The following TMEM131L variants were observed in gnomAD, a reference collection of about 807,000 sequenced individuals.
TMEM131L encodes transmembrane protein 131-like.
TMEM131L carries 54 observed loss-of-function variants against 192.2 expected under a neutral mutation model. That is an observed-to-expected ratio of 0.28 (90% CI 0.23 to 0.35). TMEM131L has a LOEUF of 0.35. TMEM131L is among the 10% of genes least tolerant of loss of function. The pLI, the probability that TMEM131L is intolerant of heterozygous loss-of-function variation, is 1.00. For missense variants in TMEM131L, 1,888 were observed against 1,972.9 expected (o/e 0.96, Z 0.82); for synonymous variants, 701 against 704.9 (o/e 0.99, Z 0.09).
Position 153,585,481 on chromosome 4 carries a change from C to T in TMEM131L, c.1181C>T (p.Ala394Val), listed in dbSNP as rs1329924256. ...AGGTATTTTAGAATGGACTCTTCTG[C>T]AACCCAGTTTCACATAGAGACTCAT... ...AQGYFRMDSS[A>V]TQFHIETHEN... The change falls in exon 13 of 35, where the codon GCA becomes GTA. Residue 394 changes from alanine (A) to valine (V), a missense_variant. By Grantham distance (64) the Ala-to-Val change is moderately conservative. Transcript: ENST00000409959. 1 of 1,614,118 alleles carries T rather than the reference C, an allele frequency of 6.2e-7. No individual in the cohort carries two copies. The highest frequency in any genetic ancestry group is 1.7e-5 in the Admixed American group (1 of 60,014).
intron 3 of TMEM131L, among the ~76,000 whole-genome samples, chr4:153,480,398 T>C (rs1265582413): frequency 1.3e-5 from 2 of 151,364 alleles, no homozygotes; most frequent in African/African-American, 4.9e-5. Context: ...CATGAGCCTG[T>C]AGTCCCAGCT....
rs1474932274 is a variant in TMEM131L, at chr4:153,602,648, C to G, written c.2560C>G (p.Leu854Val). 6.2e-7 allele frequency: 1 copy of G among 1,614,056 alleles called. No homozygotes were observed. Among genetic ancestry groups the G allele is most frequent in the Admixed American group, 1.7e-5 (1 of 60,004 alleles). Residue 854 changes from leucine to valine, a missense_variant, in exon 23 of 35, where the codon CTG (leucine) becomes GTG (valine). By Grantham distance (32) the Leu-to-Val change is conservative. Transcript: ENST00000409959. ...TCTCAATGTGACTCTCCCTCATCAC[C>G]TGTTGCCCTTGTGTGCAGACGTGGT... ...FTLNVTLPHHLLPLCADVVPG... is the reference protein window; with the variant it reads ...FTLNVTLPHHVLPLCADVVPG...
At chr4:153,609,922 CT>C (rs1162874623) in intron 25 of TMEM131L, among the ~76,000 whole-genome samples, 4 of 152,144 alleles carry the variant, frequency 2.6e-5, no homozygotes. Context: ...GTCTGCCTTG[CT>C]TTTGGCTGTC....
chr4:153,533,929 T>C (rs1736113740), intron 3 of TMEM131L, among the ~76,000 whole-genome samples: 1 of 152,192 alleles, frequency 6.6e-6, no homozygotes, highest in African/African-American at 2.4e-5. Context: ...CAACCTGACA[T>C]TGGTTTTTAA....
intron 3 of TMEM131L, among the ~76,000 whole-genome samples, chr4:153,489,346 C>T (rs1732600379): frequency 1.3e-5 from 2 of 152,188 alleles, no homozygotes; most frequent in Admixed American, 6.5e-5. Flanking sequence ...GCAAAACCCA[C>T]GCAGTTTCTT....
intron 3 of TMEM131L, among the ~76,000 whole-genome samples, chr4:153,523,920 T>C (rs1343656661): frequency 6.6e-6 from 1 of 152,186 alleles, no homozygotes; most frequent in Non-Finnish European, 1.5e-5. Context: ...CAGCCTTCCA[T>C]AAAGGGAGCA....
At chr4:153,522,995 C>G (rs1404850318) in intron 3 of TMEM131L, among the ~76,000 whole-genome samples, 1 of 152,170 alleles carries the variant, frequency 6.6e-6, no homozygotes, top group Non-Finnish European at 1.5e-5. Flanking sequence ...TTAGTCCACT[C>G]TGATACATGG....
At chr4:153,512,133 G>A (rs995456536) in intron 3 of TMEM131L, among the ~76,000 whole-genome samples, 4 of 152,144 alleles carry the variant, frequency 2.6e-5, no homozygotes, top group Non-Finnish European at 4.4e-5. Flanking sequence ...AATGGATATC[G>A]GTTGTGGGGA....
chr4:153,574,350 A>G (rs1729793653), intron 7 of TMEM131L, among the ~76,000 whole-genome samples: 1 of 152,170 alleles, frequency 6.6e-6, no homozygotes, highest in Non-Finnish European at 1.5e-5. Flanking sequence ...CACAATTGCT[A>G]TTTAATATCA....
chr4:153,607,242 A>G (rs1732302551), intron 25 of TMEM131L, among the ~76,000 whole-genome samples: 1 of 152,256 alleles, frequency 6.6e-6, no homozygotes, highest in South Asian at 2.1e-4. Context: ...GTAAGTCACA[A>G]GTGCAAAGAA....
intron 3 of TMEM131L, among the ~76,000 whole-genome samples, chr4:153,475,412 T>TA (rs1403344187): frequency 6.6e-6 from 1 of 152,200 alleles, no homozygotes; most frequent in East Asian, 1.9e-4. Context: ...TTTCAGTACT[T>TA]ACATTTAAAA....
At chr4:153,568,178 A>T (rs1026989234) in intron 7 of TMEM131L, among the ~76,000 whole-genome samples, 1 of 152,180 alleles carries the variant, frequency 6.6e-6, no homozygotes, top group African/African-American at 2.4e-5. Context: ...TGGAATGGGA[A>T]CTTGGGAAGA....
intron 7 of TMEM131L, among the ~76,000 whole-genome samples, chr4:153,562,163 G>A (rs1728889540): frequency 6.6e-6 from 1 of 151,646 alleles, no homozygotes; most frequent in African/African-American, 2.4e-5. Flanking sequence ...TCAGCCTCCT[G>A]AGTAGCTGGG....
intron 3 of TMEM131L, among the ~76,000 whole-genome samples, chr4:153,542,529 CCA>C (rs1444498273): frequency 6.6e-6 from 1 of 152,154 alleles, no homozygotes; most frequent in Non-Finnish European, 1.5e-5. Context: ...GTTTAAATCC[CCA>C]GAGCATCTTT....
Position 153,596,295 on chromosome 4 carries a change from A to G in TMEM131L, c.2033A>G (p.His678Arg), listed in dbSNP as rs761037287. ...HSEESRFGIL[H>R]LHLQPLEMKR... ...GAGGAATCCAGGTTTGGCATCCTCC[A>G]CTTACATCTGCAGCCTTTGGAAATG... is the stretch of plus-strand genomic sequence containing the variant. Residue 678 changes from histidine (H) to arginine (R), a missense_variant, in exon 20 of 35, where the codon CAC becomes CGC. Physicochemically the swap from His to Arg is conservative, Grantham distance 29. Transcript: ENST00000409959. The G allele has an allele frequency of 3.2e-5, 52 of 1,613,876 alleles. No homozygotes were observed. The highest frequency in any genetic ancestry group is 3.8e-5 in the Non-Finnish European group (45 of 1,179,868).
At chr4:153,551,916 C>A (rs953308462) in intron 4 of TMEM131L, among the ~76,000 whole-genome samples, 1 of 151,892 alleles carries the variant, frequency 6.6e-6, no homozygotes, top group African/African-American at 2.4e-5. Flanking sequence ...TGTGAAAAAT[C>A]TTTATTGTGA....
chr4:153,480,461 A>G (rs932431421), intron 3 of TMEM131L, among the ~76,000 whole-genome samples: 2 of 142,976 alleles, frequency 1.4e-5, no homozygotes, highest in African/African-American at 5.2e-5. Flanking sequence ...TGGAGGTTGC[A>G]GTGAGCTGAG....
intron 7 of TMEM131L, among the ~76,000 whole-genome samples, chr4:153,572,487 C>A (rs146230620): frequency 6.6e-5 from 10 of 152,174 alleles, no homozygotes; most frequent in Non-Finnish European, 1.5e-4. Context: ...CCCATGACCA[C>A]GCCCAGCTAA....
chr4:153,594,352 G>A (rs17370311), intron 19 of TMEM131L, among the ~76,000 whole-genome samples: 40,827 of 152,170 alleles, frequency 0.27, 5,829 homozygotes, highest in Non-Finnish European at 0.33. Context: ...CCTGTGGGCA[G>A]TCATGAGGTC....
Sources: allele counts gnomAD v4.1 joint callset (sites outside exome capture counted in the v4.1 genomes callset), GRCh38; gene constraint gnomAD v4.1.1; transcripts MANE v1.5; gene names NCBI Gene and HGNC (gene_info 2026-07-23, HGNC 2026-07-21).